CNGA1: variants seen among roughly 807,000 people sequenced by gnomAD.
The protein encoded by CNGA1 is cyclic nucleotide-gated channel alpha-1.
A neutral mutation model predicts 69.7 loss-of-function variants in CNGA1; 53 were observed. The observed-to-expected ratio is 0.76, with a 90% CI of 0.61 to 0.96. The LOEUF is 0.96. Ranked by LOEUF, CNGA1 falls within the 40% of genes least tolerant of loss-of-function variation. The pLI is 0.00. For synonymous variants in CNGA1, 249 were observed against 283.5 expected (o/e 0.88, Z 1.22); for missense variants, 739 against 811.2 (o/e 0.91, Z 1.08).
chr4:47,944,249 A>C (rs576175277), intron 6 of CNGA1, among the ~76,000 whole-genome samples: 2 of 152,306 alleles, frequency 1.3e-5, no homozygotes, highest in East Asian at 3.9e-4. Context: ...AAAATTTCTA[A>C]GTGCAATGGA....
chr4:47,944,042 G>A (rs989658511), intron 6 of CNGA1, among the ~76,000 whole-genome samples: 9 of 152,204 alleles, frequency 5.9e-5, no homozygotes, highest in Non-Finnish European at 1.3e-4. Flanking sequence ...AAGTCAGACA[G>A]ACCTAGGGTT....
At chr4:47,977,949 CCCAAGTAGCTGGGATTACAGG>C (rs1201721680) in intron 3 of CNGA1, among the ~76,000 whole-genome samples, 1 of 152,054 alleles carries the variant, frequency 6.6e-6, no homozygotes, top group Admixed American at 6.6e-5. Flanking sequence ...GCCTCAGCCT[CCCAAGTAGCTGGGATTACAGG>C]CATGTGTCAC....
intron 3 of CNGA1, chr4:47,970,882 G>A: frequency 2.2e-6 from 1 of 453,466 alleles, no homozygotes; most frequent in Non-Finnish European, 4.4e-6. Flanking sequence ...GAGGCCAAGT[G>A]TGGTGGCTCA....
At chr4:47,940,959 G>A (rs1017679556) in intron 9 of CNGA1, 90 bp from the exon 10 acceptor site, 1 of 825,012 alleles carries the variant, frequency 1.2e-6, no homozygotes. Flanking sequence ...TTATCATGAT[G>A]AGAAGCACAG....
chr4:47,943,536 C>T (rs1739221962), intron 6 of CNGA1, 124 bp from the exon 7 acceptor site: 1 of 603,726 alleles, frequency 1.7e-6, no homozygotes, highest in South Asian at 2.8e-5. Flanking sequence ...CAAAACCCAT[C>T]TGGTCTCTTA....
intron 2 of CNGA1, among the ~76,000 whole-genome samples, chr4:47,998,620 C>CA (rs11310199): frequency 1.3e-5 from 2 of 151,504 alleles, no homozygotes; most frequent in Admixed American, 6.6e-5. Context: ...ACTAAAAATA[C>CA]AAAAAAAATT....
intron 3 of CNGA1, among the ~76,000 whole-genome samples, chr4:47,967,133 T>C (rs1740765224): frequency 1.3e-5 from 2 of 152,090 alleles, no homozygotes; most frequent in Admixed American, 1.3e-4. Flanking sequence ...CGAAGCCCTG[T>C]GTCTACTAAA....
Position 48,014,171 on chromosome 4 carries a change from T to C in CNGA1, c.-223+2312A>G, listed in dbSNP as rs147203447. Reference sequence around the variant, plus strand: ...ATCAAAGAATGGGCTAGTTGGAGATTTTTTTAATGCTCTTCTTTTAGTTAA... The same window carrying C: ...ATCAAAGAATGGGCTAGTTGGAGATCTTTTTAATGCTCTTCTTTTAGTTAA... On this transcript the variant is annotated intron_variant, in intron 1 of 10. Transcript: ENST00000514170. 9.7e-4 allele frequency among the ~76,000 whole-genome samples: 148 copies of C among 152,306 alleles called. No homozygotes were observed. The East Asian group carries it at 0.021, about 22-fold the overall frequency.
At chr4:47,984,367 C>G (rs368267582) in intron 2 of CNGA1, among the ~76,000 whole-genome samples, 2 of 152,014 alleles carry the variant, frequency 1.3e-5, no homozygotes, top group African/African-American at 4.8e-5. Context: ...CCTGTAATCA[C>G]GGCACTTTGG....
chr4:47,968,817 G>A (rs1740863777), intron 3 of CNGA1, among the ~76,000 whole-genome samples: 1 of 152,130 alleles, frequency 6.6e-6, no homozygotes, highest in Admixed American at 6.5e-5. Flanking sequence ...TCCTATTCTA[G>A]GCAAATGGAA....
intron 8 of CNGA1, among the ~76,000 whole-genome samples, chr4:47,942,359 GT>G (rs201657712): frequency 0.019 from 2,291 of 123,280 alleles, 38 homozygotes; most frequent in African/African-American, 0.045. Flanking sequence ...AAAACTACCA[GT>G]TTTTTTTTTT....
chr4:47,973,313 T>G (rs1274884204), intron 3 of CNGA1, among the ~76,000 whole-genome samples: 1 of 152,078 alleles, frequency 6.6e-6, no homozygotes, highest in Admixed American at 6.6e-5. Context: ...TGACCTCAGG[T>G]GATCCGCCCG....
intron 3 of CNGA1, among the ~76,000 whole-genome samples, chr4:47,971,568 A>C (rs1207804463): frequency 2.0e-5 from 3 of 152,148 alleles, no homozygotes; most frequent in Non-Finnish European, 4.4e-5. Flanking sequence ...TGGCATGTGA[A>C]AAAAATAAAA....
At position 47,942,047 on chromosome 4, in the gene CNGA1, A is replaced by G. The variant is rs753848348; in HGVS notation, c.539T>C (p.Ile180Thr). ...AAAAAAAAATTATAGACACCTGGCA[A>G]TAACCATTGTCCAGTTGTACATAAC... ...LPVMYNWTMV[I>T]ARACFDELQS... The change falls in exon 9 of 11, where the codon ATT becomes ACT. Residue 180 changes from isoleucine to threonine, a missense_variant. By Grantham distance (89) the Ile-to-Thr change is moderately conservative. Coordinates refer to ENST00000514170, the MANE Select transcript of CNGA1 (RefSeq NM_001379270.1). 2 of 1,605,480 alleles carry G rather than the reference A, an allele frequency of 1.2e-6. No homozygotes were observed. Among genetic ancestry groups the G allele is most frequent in the Non-Finnish European group, 1.7e-6 (2 of 1,172,840 alleles).
intron 2 of CNGA1, among the ~76,000 whole-genome samples, chr4:48,009,504 A>C (rs1313996577): frequency 6.6e-6 from 1 of 150,466 alleles, no homozygotes; most frequent in Non-Finnish European, 1.5e-5. Context: ...AATCATGTAA[A>C]CTTGAAAAAG....
chr4:48,005,988 C>A lies in CNGA1; in HGVS notation c.-123+4806G>T, dbSNP rs141507768. ...AATTTTATTCATAGGAGTATACTTA[C>A]TCAATTGTTAGAATCTGTAAATAGC... On this transcript the variant is annotated intron_variant, in intron 2 of 10. Transcript: ENST00000514170. Among the ~76,000 whole-genome samples, 688 of 152,306 alleles carry A rather than the reference C, an allele frequency of 4.5e-3. 6 individuals carry two copies. Among genetic ancestry groups the A allele is most frequent in the African/African-American group, 0.015 (641 of 41,558 alleles).
chr4:47,950,452 G>A (rs185806512), intron 5 of CNGA1, among the ~76,000 whole-genome samples: 1 of 152,238 alleles, frequency 6.6e-6, no homozygotes, highest in East Asian at 1.9e-4. Flanking sequence ...CCAGTCTCGG[G>A]TATTTCTTCA....
intron 3 of CNGA1, among the ~76,000 whole-genome samples, chr4:47,981,002 T>C (rs551527703): frequency 6.6e-6 from 1 of 152,082 alleles, no homozygotes; most frequent in Admixed American, 6.6e-5. Context: ...CTCTTATTTT[T>C]AGGAGTGAAT....
In CNGA1 at chr4:47,936,954, G is replaced by T; in HGVS notation, c.1528C>A (p.Arg510=). ...CCTTCCTTGATAATGTACATCTCTC[G>T]TCCGATATCCCCTTTCTTGCAAATA... is the stretch of plus-strand genomic sequence containing the variant. ...DYICKKGDIG[R]EMYIIKEGKL... The change falls in exon 11 of 11, where the codon CGA becomes AGA. Residue 510 remains arginine (R), a synonymous_variant. Transcript: ENST00000514170. The T allele has an allele frequency of 6.2e-7, 1 of 1,613,810 alleles. No homozygotes were observed. The highest frequency in any genetic ancestry group is 8.5e-7 in the Non-Finnish European group (1 of 1,179,858).
Sources: gnomAD v4.1 joint callset for allele counts (sites outside exome capture counted in the v4.1 genomes callset) on GRCh38, gnomAD v4.1.1 for gene constraint, MANE v1.5 for transcripts, NCBI Gene and HGNC (gene_info 2026-07-23, HGNC 2026-07-21) for gene names.